TOP2B: variants seen among roughly 807,000 people sequenced by gnomAD.
The protein encoded by TOP2B is DNA topoisomerase II beta.
Under a neutral mutation model 193.5 loss-of-function variants are expected in TOP2B, and 51 were observed. That is an observed-to-expected ratio of 0.26 (90% CI 0.21 to 0.33). The LOEUF is 0.33. TOP2B is among the 10% of genes least tolerant of loss of function. The pLI, the probability that TOP2B is intolerant of heterozygous loss-of-function variation, is 1.00. For missense variants in TOP2B, 1,378 were observed against 1,909.3 expected (o/e 0.72, Z 5.19); for synonymous variants, 634 against 635.7 (o/e 1.00, Z 0.04).
At position 25,637,284 on chromosome 3, in the gene TOP2B, A is replaced by G; in HGVS notation, c.570T>C (p.Leu190=). The G allele has an allele frequency of 6.4e-7, 1 of 1,559,732 alleles. No homozygotes were observed. The highest frequency in any genetic ancestry group is 8.7e-7 in the Non-Finnish European group (1 of 1,150,338). ...TGGRNGYGAK[L]CNIFSTKFTV... ...TAAACTTTGTACTGAAAATATTACA[A>G]AGTTTTGCACCATAACCATTACGAC... is the stretch of plus-strand genomic sequence containing the variant. The change falls in exon 6 of 36, where the codon CTT becomes CTC. Residue 190 remains leucine (L), a synonymous_variant. Transcript: ENST00000264331.
At chr3:25,605,488 G>A (rs1702213682) in intron 32 of TOP2B, among the ~76,000 whole-genome samples, 1 of 151,866 alleles carries the variant, frequency 6.6e-6, no homozygotes, top group South Asian at 2.1e-4. Flanking sequence ...TATACATATA[G>A]AATATGTACC....
intron 26 of TOP2B, 45 bp from the exon 27 acceptor site, chr3:25,615,333 A>G (rs762265640): frequency 1.3e-6 from 2 of 1,573,378 alleles, no homozygotes; most frequent in African/African-American, 1.4e-5. Context: ...GTTTTAAAAC[A>G]TATGAAGGAT....
chr3:25,662,115 T>A (rs980265682), intron 1 of TOP2B, among the ~76,000 whole-genome samples: 3 of 152,200 alleles, frequency 2.0e-5, no homozygotes, highest in African/African-American at 4.8e-5. Flanking sequence ...TCACCAATAA[T>A]AACAAACATC....
In TOP2B at chr3:25,630,071, C is replaced by A. The variant is rs1702913488; in HGVS notation, c.1647G>T (p.Leu549=). The A allele has an allele frequency of 1.9e-6, 3 of 1,608,896 alleles. No individual in the cohort carries two copies. Among genetic ancestry groups the A allele is most frequent in the Non-Finnish European group, 2.5e-6 (3 of 1,177,622 alleles). Residue 549 remains leucine (L), a synonymous_variant, in exon 13 of 36, where the codon CTG becomes CTT. Coordinates refer to ENST00000264331, the MANE Select transcript of TOP2B (RefSeq NM_001330700.2). The part of the protein sequence containing the change: ...YKKSYDDAES[L]KTLRYGKIMI... ...TAATCTTTCCATAGCGTAAGGTTTTCAGAGATTCTGCATCATCGTAACTTT... is the reference window on the plus strand; with the variant it reads ...TAATCTTTCCATAGCGTAAGGTTTTAAGAGATTCTGCATCATCGTAACTTT...
chr3:25,624,936 G>A, intron 18 of TOP2B, 133 bp from the exon 19 acceptor site: 2 of 808,676 alleles, frequency 2.5e-6, no homozygotes, highest in Non-Finnish European at 3.9e-6. Context: ...GTAACAAAGT[G>A]AGTACATACT....
chr3:25,659,265 A>G (rs1703840254), intron 1 of TOP2B, among the ~76,000 whole-genome samples: 2 of 151,770 alleles, frequency 1.3e-5, no homozygotes, highest in East Asian at 3.8e-4. Flanking sequence ...AAAAAGCAAC[A>G]AACTGTCCCC....
At position 25,632,683 on chromosome 3, in the gene TOP2B, C is replaced by T; in HGVS notation, c.1128+10G>A. Reference sequence around the variant, plus strand: ...TATGCATCATGTACAATATATAACACATCCCTTACTTGAAATGGTTTCACT... The same window carrying T: ...TATGCATCATGTACAATATATAACATATCCCTTACTTGAAATGGTTTCACT... On this transcript the variant is annotated intron_variant, in intron 9 of 35. Coordinates refer to ENST00000264331, the MANE Select transcript of TOP2B (RefSeq NM_001330700.2). 1 of 1,609,660 alleles carries T rather than the reference C, an allele frequency of 6.2e-7. No individual in the cohort carries two copies. The highest frequency in any genetic ancestry group is 8.5e-7 in the Non-Finnish European group (1 of 1,176,340).
chr3:25,663,764 CTTT>C (rs1703990198), intron 1 of TOP2B, among the ~76,000 whole-genome samples: 1 of 152,190 alleles, frequency 6.6e-6, no homozygotes, highest in Non-Finnish European at 1.5e-5. Flanking sequence ...ATGCATTCTT[CTTT>C]GAGATTAAAG....
chr3:25,618,633 T>C, intron 24 of TOP2B, 21 bp downstream of exon 24: 1 of 1,573,686 alleles, frequency 6.4e-7, no homozygotes, highest in Admixed American at 2.0e-5. Context: ...AATGTTCAAA[T>C]TTTTAAAGGT....
chr3:25,598,214 TTAAAA>T lies in TOP2B; in HGVS notation c.*88_*92del. The T allele has an allele frequency of 7.4e-7, 1 of 1,346,100 alleles. No individual in the cohort carries two copies. The highest frequency in any genetic ancestry group is 2.3e-5 in the East Asian group (1 of 42,582). The allele number at this position is 1,346,100 out of a possible 1,614,324, so 83.4% of individuals were successfully genotyped here. A position where few individuals can be genotyped will look rare whatever the true frequency, so the allele number is the denominator to read the frequency against. On this transcript the variant is annotated 3_prime_UTR_variant, in exon 36 of 36. Transcript: ENST00000264331. ...AAAAACCGTCAATTACATCATCACA[TTAAAA>T]TAAGCCAGATGTACAAAAGTCTGAG... is the stretch of plus-strand genomic sequence containing the variant.
chr3:25,635,851 C>T lies in TOP2B; in HGVS notation c.852+85G>A, dbSNP rs569772366. 1.8e-4 allele frequency: 197 copies of T among 1,086,892 alleles called. 1 individual carries two copies. Among genetic ancestry groups the T allele is most frequent in the Non-Finnish European group, 2.5e-4 (190 of 746,988 alleles). The allele number at this position is 1,086,892 out of a possible 1,614,324, so 67.3% of individuals were successfully genotyped here. ...CTGAACACACCAGTAAAAGAGACTA[C>T]CAGATGAGCTTTAAAAAAGGAAGAC... On this transcript the variant is annotated intron_variant, in intron 7 of 35. Transcript: ENST00000264331.
At chr3:25,630,691 T>C (rs1702929582) in intron 11 of TOP2B, 110 bp downstream of exon 11, 3 of 1,106,750 alleles carry the variant, frequency 2.7e-6, no homozygotes, top group East Asian at 2.8e-5. Flanking sequence ...AGTAAAATCA[T>C]ACTCTGAATG....
intron 2 of TOP2B, 138 bp downstream of exon 2, chr3:25,645,162 G>GA: frequency 2.4e-6 from 2 of 816,934 alleles, no homozygotes; most frequent in South Asian, 4.5e-5. Flanking sequence ...TCTACTTCTA[G>GA]ATCTTTCACC....
At chr3:25,640,499 G>GA (rs892010098) in intron 4 of TOP2B, among the ~76,000 whole-genome samples, 7 of 150,770 alleles carry the variant, frequency 4.6e-5, no homozygotes, top group South Asian at 2.1e-4. Context: ...TGGGGGATAT[G>GA]AAAAAAAAAT....
chr3:25,656,528 T>C (rs1456664527), intron 1 of TOP2B, among the ~76,000 whole-genome samples: 4 of 152,178 alleles, frequency 2.6e-5, no homozygotes, highest in Admixed American at 2.0e-4. Flanking sequence ...AATAAGTCTA[T>C]AATTACTATA....
intron 33 of TOP2B, 32 bp from the exon 34 acceptor site, chr3:25,601,257 T>A: frequency 6.3e-7 from 1 of 1,597,594 alleles, no homozygotes; most frequent in African/African-American, 1.4e-5. Context: ...CACAGGTCAA[T>A]ATACTTACCA....
At chr3:25,630,562 C>T in intron 11 of TOP2B, 93 bp from the exon 12 acceptor site, 5 of 1,036,924 alleles carry the variant, frequency 4.8e-6, no homozygotes, top group Non-Finnish European at 6.8e-6. Flanking sequence ...AGAATGCTGA[C>T]AGTGAAAGAC....
intron 25 of TOP2B, among the ~76,000 whole-genome samples, chr3:25,616,885 A>T (rs917677062): frequency 2.0e-5 from 3 of 146,684 alleles, no homozygotes; most frequent in Non-Finnish European, 4.5e-5. Flanking sequence ...TCCAGAAATT[A>T]AAAAAAAAAA....
rs760062400 is a variant in TOP2B at position 25,645,481 on chromosome 3, C to A, written c.70-11G>T. 1.6e-5 allele frequency: 26 copies of A among 1,582,506 alleles called. No individual in the cohort carries two copies. On this transcript the variant is annotated splice_polypyrimidine_tract_variant and intron_variant, in intron 1 of 35. Transcript: ENST00000264331. ...CTGATCAAAAAGAGTCTAAAATTAACCAAAAAATCAAATTTAAATAACCTA... is the reference window on the plus strand; with the variant it reads ...CTGATCAAAAAGAGTCTAAAATTAAACAAAAAATCAAATTTAAATAACCTA...
Sources: allele counts gnomAD v4.1 joint callset (sites outside exome capture counted in the v4.1 genomes callset), GRCh38; gene constraint gnomAD v4.1.1; transcripts MANE v1.5; gene names NCBI Gene and HGNC (gene_info 2026-07-23, HGNC 2026-07-21).